The following KRT8 variants were observed in gnomAD, a reference collection of about 807,000 sequenced individuals.
KRT8 encodes the protein keratin 8.
In KRT8, 24 loss-of-function variants were observed where a neutral mutation model predicts 43.0. That is an observed-to-expected ratio of 0.56 (90% CI 0.40 to 0.78). KRT8 has a LOEUF of 0.78. KRT8 is among the 30% of genes least tolerant of loss of function. The pLI is 0.00. For missense variants in KRT8, 492 were observed against 638.4 expected, an observed-to-expected ratio of 0.77 and a Z score of 2.47; for synonymous variants, 214 against 261.2, an observed-to-expected ratio of 0.82 and a Z score of 1.74.
At chr12:52,920,474 G>A (rs899986439) in intron 2 of KRT8, among the ~76,000 whole-genome samples, 1 of 152,166 alleles carries the variant, frequency 6.6e-6, no homozygotes, top group Non-Finnish European at 1.5e-5. Flanking sequence ...GCACATGCCT[G>A]TAATCCCAGC....
chr12:52,917,926 G>C, intron 2 of KRT8, among the ~76,000 whole-genome samples: 1 of 146,522 alleles, frequency 6.8e-6, no homozygotes, highest in South Asian at 2.2e-4. Context: ...AAAGAAGAAG[G>C]AGAAGGAGAA....
intron 2 of KRT8, among the ~76,000 whole-genome samples, chr12:52,931,071 CTTT>C (rs796664998): frequency 1.4e-5 from 2 of 146,066 alleles, no homozygotes. Flanking sequence ...CCCCCAGATT[CTTT>C]TTTTTTTTTT....
chr12:52,903,868 CCCCACCCCA>C (rs1941440693), intron 1 of KRT8, among the ~76,000 whole-genome samples: 1 of 124,212 alleles, frequency 8.1e-6, no homozygotes, highest in African/African-American at 3.3e-5. Flanking sequence ...GCCCACCCCA[CCCCACCCCA>C]CCCCACCCAC....
intron 2 of KRT8, among the ~76,000 whole-genome samples, chr12:52,938,170 A>ATATATATATATATATATATTTT (rs1555189967): frequency 3.0e-4 from 9 of 30,290 alleles, no homozygotes; most frequent in East Asian, 1.1e-3. Flanking sequence ...ATATATATAT[A>ATATATATATATATATATATTTT]TTTTTTTTTT....
intron 2 of KRT8, chr12:52,949,350 G>A (rs76187914): frequency 5.3e-6 from 8 of 1,517,288 alleles, no homozygotes; most frequent in Non-Finnish European, 7.0e-6. Flanking sequence ...GCGGCATGGG[G>A]TCCGGGGGCC....
Position 52,899,788 on chromosome 12 carries a change from C to T in KRT8, c.968G>A (p.Gly323Asp). ...CCCGGCCCATACCTGGCCTTTGAGG[C>T]CCTCAATCTCAGCCTGGAGCCGGCT... is the stretch of plus-strand genomic sequence containing the variant. Residue 323 changes from glycine to aspartate, a missense_variant, in exon 5 of 8, where the codon GGC (glycine) becomes GAC (aspartate). Gly to Asp is a moderately conservative substitution (Grantham distance 94). Coordinates refer to ENST00000692008, the Ensembl canonical transcript of KRT8. The T allele has an allele frequency of 1.9e-6, 3 of 1,611,534 alleles. No homozygotes were observed. The East Asian group carries it at 6.7e-5, about 36-fold the overall frequency.
intron 2 of KRT8, among the ~76,000 whole-genome samples, chr12:52,921,580 C>T (rs1941887192): frequency 6.6e-6 from 1 of 152,086 alleles, no homozygotes; most frequent in South Asian, 2.1e-4. Context: ...AGGGCCCCTC[C>T]TTCCTCTCTC....
At chr12:52,907,422 C>T (rs921422571), upstream of KRT8, among the ~76,000 whole-genome samples, 1 of 152,158 alleles carries the variant, frequency 6.6e-6, no homozygotes, top group African/African-American at 2.4e-5. Context: ...CCCCACGCTG[C>T]TGTTAGAGGG....
Position 52,947,163 on chromosome 12 carries a change from T to TTCC in KRT8, c.-47+2290_-47+2292dup, listed in dbSNP as rs574805241. ...AACTTGAAGGCCAAACACCTAAGGG[T>TTCC]TCCCCCCAACACTTCATTCAGCAGG... is the stretch of plus-strand genomic sequence containing the variant. On this transcript the variant is annotated intron_variant, in intron 2 of 6. Transcript: ENST00000546826. 1,284 of 152,372 alleles carry TTCC rather than the reference T, an allele frequency of 8.4e-3. 13 individuals are homozygous for TTCC. Among genetic ancestry groups the TTCC allele is most frequent in the Non-Finnish European group, 0.014 (946 of 68,154 alleles). The allele number at this position is 152,372 out of a possible 1,614,324, so 9.4% of individuals were successfully genotyped here.
upstream of KRT8, among the ~76,000 whole-genome samples, chr12:52,905,541 G>T (rs1592167076): frequency 6.6e-6 from 1 of 152,148 alleles, no homozygotes; most frequent in Non-Finnish European, 1.5e-5. Context: ...ATGAGGGCCT[G>T]CCTGAGCTGG....
Position 52,932,797 on chromosome 12 carries a change from G to T in KRT8, c.-47+16659C>A, listed in dbSNP as rs561260154. ...AGTCTGGGCAGCAGAATGAGGCTGT[G>T]TCTATAATAAAAAAAAAACAAAAAC... On this transcript the variant is annotated intron_variant, in intron 2 of 6. Transcript: ENST00000546826. 1.5e-4 allele frequency among the ~76,000 whole-genome samples: 22 copies of T among 151,300 alleles called. No individual in the cohort carries two copies. In the South Asian group the frequency reaches 3.1e-3, roughly 22 times the overall value.
At chr12:52,937,626 T>C (rs1200079964) in intron 2 of KRT8, among the ~76,000 whole-genome samples, 1 of 149,894 alleles carries the variant, frequency 6.7e-6, no homozygotes, top group East Asian at 2.0e-4. Context: ...AGGCAAATGT[T>C]GCAGTGAACC....
rs11170328 is a variant in KRT8 at position 52,915,230 on chromosome 12, G to A, written c.-46-10203C>T. On this transcript the variant is annotated intron_variant, in intron 2 of 6. Transcript: ENST00000546826. ...CTACTAAAGATACAAAAAATTAGCC[G>A]GGCGAGGTGGCGGGCACCTGTAGTC... Among the ~76,000 whole-genome samples, 748 of 152,030 alleles carry A rather than the reference G, an allele frequency of 4.9e-3. 1 individual carries two copies. Among genetic ancestry groups the A allele is most frequent in the Non-Finnish European group, 6.7e-3 (455 of 67,988 alleles).
intron 3 of KRT8, 177 bp downstream of exon 3, chr12:52,900,982 G>C: frequency 1.4e-6 from 1 of 699,818 alleles, no homozygotes. Context: ...CAAGAGTTCT[G>C]TCCAAATGCA....
chr12:52,910,607 AG>A (rs764628004), upstream of KRT8, among the ~76,000 whole-genome samples: 6 of 152,220 alleles, frequency 3.9e-5, no homozygotes, highest in Non-Finnish European at 8.8e-5. Context: ...CTTGAGTGAC[AG>A]GAAGTGGAAG....
At chr12:52,927,263 CT>C (rs1942009818) in intron 2 of KRT8, among the ~76,000 whole-genome samples, 2 of 152,194 alleles carry the variant, frequency 1.3e-5, no homozygotes, top group African/African-American at 4.8e-5. Context: ...CTCTCCACCC[CT>C]CCCCAACTCC....
chr12:52,912,994 G>A (rs1451005838), intron 2 of KRT8, among the ~76,000 whole-genome samples: 1 of 152,236 alleles, frequency 6.6e-6, no homozygotes, highest in Non-Finnish European at 1.5e-5. Context: ...GCTAAGGGAG[G>A]AGCAGGAAGG....
chr12:52,902,170 C>T (rs1941389011), intron 1 of KRT8, 98 bp from the exon 2 acceptor site: 2 of 768,674 alleles, frequency 2.6e-6, no homozygotes, highest in East Asian at 2.6e-5. Context: ...ACTCCTCAAG[C>T]AGTAAGGTCT....
At chr12:52,906,458 TC>T, upstream of KRT8, 1 of 332,072 alleles carries the variant, frequency 3.0e-6, no homozygotes, top group South Asian at 2.3e-5. Flanking sequence ...AGAGGAAGAG[TC>T]CCTGCACCTG....
Sources: gnomAD v4.1 joint callset for allele counts (sites outside exome capture counted in the v4.1 genomes callset) on GRCh38, gnomAD v4.1.1 for gene constraint, MANE v1.5 for transcripts, NCBI Gene and HGNC (gene_info 2026-07-23, HGNC 2026-07-21) for gene names.